Variants in WBP1L observed in about 807,000 individuals in gnomAD.
WBP1L encodes the protein WW domain binding protein 1-like.
A neutral mutation model predicts 33.7 loss-of-function variants in WBP1L; 17 were observed. The ratio of observed to expected loss-of-function variants is 0.50; its 90% CI spans 0.34 to 0.76. The LOEUF (loss-of-function observed/expected upper bound fraction) is 0.76. Among genes scored for constraint, WBP1L ranks in the 30% least tolerant of loss-of-function variants. The probability of loss-of-function intolerance (pLI) is 0.01; values close to 1 mark genes in which losing one functional copy is unlikely to be tolerated. For missense variants in WBP1L, 389 were observed against 469.4 expected, an observed-to-expected ratio of 0.83 and a Z score of 1.58; for synonymous variants, 173 against 190.8, an observed-to-expected ratio of 0.91 and a Z score of 0.77.
intron 1 of WBP1L, among the ~76,000 whole-genome samples, chr10:102,751,875 CATAAT>C (rs1842927088): frequency 2.0e-5 from 3 of 152,140 alleles, no homozygotes; most frequent in Admixed American, 1.3e-4. Context: ...GGTGAAAAGA[CATAAT>C]ATATGTAAAG....
intron 2 of WBP1L, among the ~76,000 whole-genome samples, chr10:102,809,116 C>T (rs1056835931): frequency 6.6e-6 from 1 of 152,104 alleles, no homozygotes; most frequent in South Asian, 2.1e-4. Context: ...GTGTCTTGCT[C>T]ACCCAGGCTG....
At position 102,814,672 on chromosome 10, in the gene WBP1L, C is replaced by CGGAA. The variant is rs1290816822; in HGVS notation, c.*1344_*1347dup. ...CAGGCAGGAGGTGAAAGCAGCCATC[C>CGGAA]GGAAGGCCCTGGGGACCCTTGTGCC... On this transcript the variant is annotated 3_prime_UTR_variant, in exon 4 of 4. Transcript: ENST00000448841. The CGGAA allele has an allele frequency of 1.3e-5, 2 of 151,502 alleles. No homozygotes were observed. The highest frequency in any genetic ancestry group is 3.0e-5 in the Non-Finnish European group (2 of 67,778). The allele number at this position is 151,502 out of a possible 1,614,324, so 9.4% of individuals were successfully genotyped here. A position where few individuals can be genotyped will look rare whatever the true frequency, so the allele number is the denominator to read the frequency against.
chr10:102,777,293 T>C (rs1448953838), intron 1 of WBP1L, among the ~76,000 whole-genome samples: 2 of 152,126 alleles, frequency 1.3e-5, no homozygotes, highest in Non-Finnish European at 2.9e-5. Context: ...TGCCTGTTCC[T>C]GGGTGAGGAA....
chr10:102,777,349 A>G (rs903997779), intron 1 of WBP1L, among the ~76,000 whole-genome samples: 3 of 152,126 alleles, frequency 2.0e-5, no homozygotes, highest in Non-Finnish European at 4.4e-5. Flanking sequence ...GGGAGCTGCT[A>G]GGGACCACTG....
At chr10:102,746,102 A>C (rs1842861283) in intron 1 of WBP1L, 1 of 983,414 alleles carries the variant, frequency 1.0e-6, no homozygotes, top group African/African-American at 1.7e-5. Context: ...CAAAGATAGG[A>C]ACTAGATCCA....
rs190292464 is a variant in WBP1L at position 102,813,579 on chromosome 10, C to A, written c.*248C>A. Reference sequence around the variant, plus strand: ...TGGTTCTGTGACTCATTCCTCATACCCTAACTCCATCTCCTTTCTTTAAAG... The same window carrying A: ...TGGTTCTGTGACTCATTCCTCATACACTAACTCCATCTCCTTTCTTTAAAG... On this transcript the variant is annotated 3_prime_UTR_variant, in exon 4 of 4. Coordinates refer to ENST00000448841, the MANE Select transcript of WBP1L (RefSeq NM_001083913.2). The A allele has an allele frequency of 5.1e-4, 277 of 543,310 alleles. No homozygotes were observed. Among genetic ancestry groups the A allele is most frequent in the Non-Finnish European group, 7.5e-4 (232 of 308,424 alleles). The allele number at this position is 543,310 out of a possible 1,614,324, so 33.7% of individuals were successfully genotyped here. A position where few individuals can be genotyped will look rare whatever the true frequency, so the allele number is the denominator to read the frequency against.
At chr10:102,757,414 T>C (rs1302358879) in intron 1 of WBP1L, among the ~76,000 whole-genome samples, 1 of 152,170 alleles carries the variant, frequency 6.6e-6, no homozygotes, top group Non-Finnish European at 1.5e-5. Flanking sequence ...TTGTCAAGTA[T>C]GGGGGTCGTC....
intron 1 of WBP1L, among the ~76,000 whole-genome samples, chr10:102,775,456 C>A (rs1843247230): frequency 6.6e-6 from 1 of 152,172 alleles, no homozygotes; most frequent in African/African-American, 2.4e-5. Context: ...AGGCGGTGAA[C>A]TTTTCTGAAC....
chr10:102,776,440 G>T lies in WBP1L; in HGVS notation c.91-21553G>T, dbSNP rs1387123520. ...CAGGTAATTGTTTCTGCACGGATCG[G>T]GTTTGGAAGGGAAGAAGGGGTGGGA... On this transcript the variant is annotated intron_variant, in intron 1 of 3. Transcript: ENST00000448841. 1.9e-6 allele frequency: 3 copies of T among 1,613,960 alleles called. No homozygotes were observed. The African/African-American group carries it at 4.0e-5, about 22-fold the overall frequency.
At chr10:102,810,377 TCCTCCC>T in intron 3 of WBP1L, among the ~76,000 whole-genome samples, 1 of 107,682 alleles carries the variant, frequency 9.3e-6, no homozygotes, top group Admixed American at 9.5e-5. Context: ...CTCCCTTCCT[TCCTCCC>T]TCCCTCTTTC....
intron 1 of WBP1L, among the ~76,000 whole-genome samples, chr10:102,758,659 A>G (rs1296563043): frequency 5.3e-5 from 8 of 152,192 alleles, no homozygotes; most frequent in African/African-American, 9.7e-5. Flanking sequence ...AGACAAAGAG[A>G]TAAAGAGAAA....
chr10:102,790,423 A>T (rs1023436976), intron 1 of WBP1L, among the ~76,000 whole-genome samples: 1 of 152,048 alleles, frequency 6.6e-6, no homozygotes, highest in Non-Finnish European at 1.5e-5. Flanking sequence ...TTATCCTGCT[A>T]TTTGTTGAAT....
intron 1 of WBP1L, among the ~76,000 whole-genome samples, chr10:102,797,710 G>C (rs1383624344): frequency 1.3e-5 from 2 of 151,880 alleles, no homozygotes; most frequent in Non-Finnish European, 2.9e-5. Context: ...GCACCACCAC[G>C]CCTGGCTAAT....
chr10:102,774,828 T>TGAG (rs1843235928), intron 1 of WBP1L, among the ~76,000 whole-genome samples: 1 of 152,130 alleles, frequency 6.6e-6, no homozygotes, highest in Admixed American at 6.5e-5. Flanking sequence ...AATTTGTAGC[T>TGAG]GAGGAAGTTA....
intron 1 of WBP1L, among the ~76,000 whole-genome samples, chr10:102,758,384 C>T (rs1270992716): frequency 6.6e-6 from 1 of 152,210 alleles, no homozygotes; most frequent in Non-Finnish European, 1.5e-5. Flanking sequence ...ATTTTCTTCC[C>T]TCCAGTCCCT....
chr10:102,807,799 T>C (rs1843758307), intron 2 of WBP1L, among the ~76,000 whole-genome samples: 1 of 152,096 alleles, frequency 6.6e-6, no homozygotes, highest in South Asian at 2.1e-4. Flanking sequence ...TAATGATTCA[T>C]ATTATTTCAT....
chr10:102,790,269 A>C (rs1843477195), intron 1 of WBP1L, among the ~76,000 whole-genome samples: 1 of 151,804 alleles, frequency 6.6e-6, no homozygotes, highest in Admixed American at 6.6e-5. Flanking sequence ...TTTTTCTTTC[A>C]ATAACTATTT....
At chr10:102,804,619 C>A (rs1843706172) in intron 2 of WBP1L, among the ~76,000 whole-genome samples, 1 of 152,102 alleles carries the variant, frequency 6.6e-6, no homozygotes, top group South Asian at 2.1e-4. Context: ...AGGTTTATTC[C>A]TCACTCACAC....
chr10:102,783,479 A>G (rs1590180720), intron 1 of WBP1L, among the ~76,000 whole-genome samples: 2 of 152,198 alleles, frequency 1.3e-5, no homozygotes, highest in East Asian at 1.9e-4. Flanking sequence ...TGAGACTGAC[A>G]TCAGTCCTGC....
Sources: gnomAD v4.1 joint callset for allele counts (sites outside exome capture counted in the v4.1 genomes callset) on GRCh38, gnomAD v4.1.1 for gene constraint, MANE v1.5 for transcripts, NCBI Gene and HGNC (gene_info 2026-07-23, HGNC 2026-07-21) for gene names.